Variants in UNC79 observed in about 807,000 individuals in gnomAD.
UNC79 encodes protein unc-79 homolog.
A neutral mutation model predicts 283.1 loss-of-function variants in UNC79; 37 were observed. That is an observed-to-expected ratio of 0.13 (90% confidence interval 0.10 to 0.17). UNC79 has a LOEUF of 0.17. Ranked by LOEUF, UNC79 falls within the 10% of genes least tolerant of loss-of-function variation. UNC79 has a pLI of 1.00. For missense variants in UNC79, 2,272 were observed against 3,211.1 expected, an observed-to-expected ratio of 0.71 and a Z score of 7.07; for synonymous variants, 1,107 against 1,200.2, an observed-to-expected ratio of 0.92 and a Z score of 1.61.
chr14:93,606,486 C>A (rs2065897835), intron 26 of UNC79, among the ~76,000 whole-genome samples: 1 of 152,134 alleles, frequency 6.6e-6, no homozygotes, highest in Admixed American at 6.5e-5. Context: ...AACTTGGAAG[C>A]AAGGACATGC....
At chr14:93,484,650 C>A (rs150422955) in intron 4 of UNC79, among the ~76,000 whole-genome samples, 2 of 152,312 alleles carry the variant, frequency 1.3e-5, no homozygotes, top group Non-Finnish European at 2.9e-5. Flanking sequence ...GATTAATTAT[C>A]TTCTCCCTTC....
rs1445930733 is a variant in UNC79, at chr14:93,404,493, A to AATAT, written c.-350-63160_-350-63157dup. Among the ~76,000 whole-genome samples the AATAT allele has an allele frequency of 1.8e-4, 11 of 61,494 alleles. 1 individual carries two copies. The highest frequency in any genetic ancestry group is 4.7e-4 in the Admixed American group (2 of 4,232). The allele number at this position is 61,494 out of a possible 152,430, so 40.3% of individuals were successfully genotyped here. A position where few individuals can be genotyped will look rare whatever the true frequency, so the allele number is the denominator to read the frequency against. On this transcript the variant is annotated intron_variant, in intron 1 of 49. Transcript: ENST00000256339. ...TGACAGAGTGAGACCTTCTAAAAAAAATATATATATATATATATATAAATA... is the reference window on the plus strand; with the variant it reads ...TGACAGAGTGAGACCTTCTAAAAAAAATATATATATATATATATATATATAAATA...
At chr14:93,347,141 G>A (rs2053858038) in intron 1 of UNC79, 15 of 1,123,004 alleles carry the variant, frequency 1.3e-5, no homozygotes, top group Non-Finnish European at 1.7e-5. Context: ...TAGGGGGCGA[G>A]GGCAGAGCGC....
chr14:93,617,253 G>GGA lies in UNC79; in HGVS notation c.4173_4174insGA (p.Pro1392AspfsTer9). The GGA allele has an allele frequency of 6.2e-7, 1 of 1,614,158 alleles. No individual in the cohort carries two copies. Among genetic ancestry groups the GGA allele is most frequent in the Non-Finnish European group, 8.5e-7 (1 of 1,180,024 alleles). ...CTCGTTGCTCCCTCTGGTCCCTAAA[G>GGA]CCTCACATCCGGCAGATGTGGTTGA... is the stretch of plus-strand genomic sequence containing the variant. On this transcript the variant is annotated frameshift_variant, in exon 28 of 49. Transcript: ENST00000555664. LOFTEE classifies it high-confidence loss of function. This position sits in a 1 kb window ranked among gnomAD's most constrained non-coding sequence, Gnocchi z 4.5.
chr14:93,442,430 A>G, intron 1 of UNC79, among the ~76,000 whole-genome samples: 1 of 152,118 alleles, frequency 6.6e-6, no homozygotes, highest in East Asian at 1.9e-4. Context: ...CCCACACAAT[A>G]TACCTTTATT....
At chr14:93,414,039 C>T (rs1356100390) in intron 1 of UNC79, among the ~76,000 whole-genome samples, 2 of 152,150 alleles carry the variant, frequency 1.3e-5, no homozygotes, top group South Asian at 4.2e-4. Flanking sequence ...TAATTAGATC[C>T]CATTTGTCAA....
Position 93,579,591 on chromosome 14 carries a change from C to T in UNC79, c.2434-558C>T, listed in dbSNP as rs184148643. ...TACTATGATTCTGTATTTTGATGCT[C>T]GTATTGTTCCGCATTTGGCCAGTGG... is the stretch of plus-strand genomic sequence containing the variant. On this transcript the variant is annotated intron_variant, in intron 18 of 48. Coordinates refer to ENST00000555664, the Ensembl canonical transcript of UNC79. Among the ~76,000 whole-genome samples, 355 of 152,224 alleles carry T rather than the reference C, an allele frequency of 2.3e-3. 3 individuals are homozygous for T. The highest frequency in any genetic ancestry group is 8.2e-3 in the African/African-American group (340 of 41,532).
chr14:93,370,144 T>C (rs542096943), intron 1 of UNC79, among the ~76,000 whole-genome samples: 4 of 152,170 alleles, frequency 2.6e-5, no homozygotes, highest in Admixed American at 2.6e-4. Flanking sequence ...GCACACGATA[T>C]CCGGCTATCA....
intron 26 of UNC79, among the ~76,000 whole-genome samples, chr14:93,607,289 C>T (rs901132934): frequency 2.6e-5 from 4 of 152,260 alleles, no homozygotes; most frequent in African/African-American, 4.8e-5. Flanking sequence ...TGTTCCTCAT[C>T]GCCTGGAACG....
chr14:93,706,599 C>A, intron 48 of UNC79, 105 bp from the exon 52 acceptor site: 1 of 1,348,456 alleles, frequency 7.4e-7, no homozygotes. Flanking sequence ...CCAGACAACC[C>A]TTGAGCCAAG....
intron 1 of UNC79, among the ~76,000 whole-genome samples, chr14:93,466,391 C>G (rs2140252311): frequency 6.6e-6 from 1 of 152,338 alleles, no homozygotes; most frequent in African/African-American, 2.4e-5. Context: ...ATTTCAGAGT[C>G]ATATTCTAGA....
intron 15 of UNC79, among the ~76,000 whole-genome samples, chr14:93,572,385 A>C (rs1340576206): frequency 6.6e-6 from 1 of 152,218 alleles, no homozygotes; most frequent in African/African-American, 2.4e-5. Context: ...GGAAAAGTGC[A>C]AAGGGAAACT....
rs1199865033 is a variant in UNC79 at position 93,691,652 on chromosome 14, G to C, written c.7273-97G>C. On this transcript the variant is annotated intron_variant, in intron 45 of 48. Transcript: ENST00000555664. Reference sequence around the variant, plus strand: ...AACGTTATGCCTTTGTGCTTCCCCTGTGCTCCCTGGCAAGACCAAAGCCAT... The same window carrying C: ...AACGTTATGCCTTTGTGCTTCCCCTCTGCTCCCTGGCAAGACCAAAGCCAT... 6.2e-6 allele frequency: 8 copies of C among 1,297,412 alleles called. No homozygotes were observed. The African/African-American group carries it at 8.7e-5, about 14-fold the overall frequency. 80.4% of individuals were successfully genotyped at this position (1,297,412 alleles called of 1,614,324 possible).
chr14:93,334,982 T>C (rs1431704610), intron 1 of UNC79: 2 of 152,266 alleles, frequency 1.3e-5, no homozygotes, highest in African/African-American at 2.4e-5. Flanking sequence ...TTACTAACCT[T>C]TATTACTTGA....
At chr14:93,604,283 T>C (rs1019957458) in intron 26 of UNC79, among the ~76,000 whole-genome samples, 2 of 152,184 alleles carry the variant, frequency 1.3e-5, no homozygotes, top group African/African-American at 4.8e-5. Context: ...AGTTGAAAGG[T>C]CTGTTTTTCA....
At chr14:93,380,684 C>T (rs774593305) in intron 1 of UNC79, among the ~76,000 whole-genome samples, 13 of 152,126 alleles carry the variant, frequency 8.5e-5, no homozygotes, top group Non-Finnish European at 1.8e-4. Flanking sequence ...TACACTAGTA[C>T]CTGGCGTGGT....
chr14:93,660,698 T>C (rs2071505592), intron 39 of UNC79, among the ~76,000 whole-genome samples: 1 of 151,326 alleles, frequency 6.6e-6, no homozygotes, highest in Non-Finnish European at 1.5e-5. Context: ...CAAACAATTC[T>C]CCCTGCCTCA....
At chr14:93,681,841 G>A (rs1472014281) in intron 41 of UNC79, among the ~76,000 whole-genome samples, 1 of 152,182 alleles carries the variant, frequency 6.6e-6, no homozygotes, top group Admixed American at 6.5e-5. Flanking sequence ...CTGTAATGAA[G>A]CAAATTAAAT....
chr14:93,422,040 GGAA>G lies in UNC79; in HGVS notation c.-350-45629_-350-45627del, dbSNP rs1424037431. The stretch of plus-strand genomic sequence containing the variant: ...TCTGAGACAGGTCTTAATCAATTTA[GGAA>G]GTTTATTTTGCCAAGGTTAAGAACA... On this transcript the variant is annotated intron_variant, in intron 1 of 49. Transcript: ENST00000256339. Among the ~76,000 whole-genome samples the G allele has an allele frequency of 1.3e-5, 2 of 151,768 alleles. 1 individual carries two copies. The highest frequency in any genetic ancestry group is 4.8e-5 in the African/African-American group (2 of 41,406).
Sources: allele counts gnomAD v4.1 joint callset (sites outside exome capture counted in the v4.1 genomes callset), GRCh38; gene constraint gnomAD v4.1.1; non-coding constraint Gnocchi (gnomAD v3.1); transcripts MANE v1.5; gene names NCBI Gene and HGNC (gene_info 2026-07-23, HGNC 2026-07-21).